The following ARHGEF28 variants were observed in gnomAD, a reference collection of about 807,000 sequenced individuals.
ARHGEF28 encodes Rho guanine nucleotide exchange factor 28.
In ARHGEF28, 152 loss-of-function variants were observed where a neutral mutation model predicts 206.6. That is an observed-to-expected ratio of 0.74 (90% CI 0.64 to 0.84). ARHGEF28 has a LOEUF of 0.84. Ranked by LOEUF, ARHGEF28 falls within the 40% of genes least tolerant of loss-of-function variation. The pLI is 0.00. For synonymous variants in ARHGEF28, 763 were observed against 776.4 expected (o/e 0.98, Z 0.29); for missense variants, 2,028 against 2,073.2 (o/e 0.98, Z 0.42).
intron 2 of ARHGEF28, among the ~76,000 whole-genome samples, chr5:73,749,355 T>C (rs1751906790): frequency 6.6e-6 from 1 of 152,166 alleles, no homozygotes; most frequent in Non-Finnish European, 1.5e-5. Context: ...AGCCATGATG[T>C]TCAGCTGGTA....
chr5:73,809,772 AG>A (rs1561419968), intron 9 of ARHGEF28, among the ~76,000 whole-genome samples: 2 of 152,180 alleles, frequency 1.3e-5, no homozygotes, highest in African/African-American at 4.8e-5. Flanking sequence ...GTTCTTTTCT[AG>A]GTGAAGAATT....
chr5:73,872,790 C>T (rs1047470827), intron 21 of ARHGEF28, among the ~76,000 whole-genome samples: 9 of 152,234 alleles, frequency 5.9e-5, no homozygotes, highest in African/African-American at 2.2e-4. Flanking sequence ...CATATATGTC[C>T]TCTTTAATAT....
rs562413696 is a variant in ARHGEF28 at position 73,917,006 on chromosome 5, A to C, written c.4948+5431A>C. On this transcript the variant is annotated intron_variant, in intron 35 of 35. Transcript: ENST00000513042. ...TTCAACACATAGAAATTAAGGCAGG[A>C]ATATTGAATCCATTTCCTATTTAGT... 3.3e-5 allele frequency among the ~76,000 whole-genome samples: 5 copies of C among 152,322 alleles called. No homozygotes were observed. The South Asian group carries it at 1.0e-3, about 32-fold the overall frequency.
At chr5:73,686,127 C>G (rs1337652601) in intron 2 of ARHGEF28, among the ~76,000 whole-genome samples, 1 of 152,098 alleles carries the variant, frequency 6.6e-6, no homozygotes, top group African/African-American at 2.4e-5. Flanking sequence ...CCAGTGATCT[C>G]TAGTACTCTC....
intron 1 of ARHGEF28, among the ~76,000 whole-genome samples, chr5:73,635,274 C>T (rs931142288): frequency 1.3e-5 from 2 of 152,056 alleles, no homozygotes; most frequent in Admixed American, 6.6e-5. Context: ...ACCCAGGGGG[C>T]GGAGGTAGCA....
chr5:73,705,071 T>G (rs1311992338), intron 2 of ARHGEF28, among the ~76,000 whole-genome samples: 1 of 152,144 alleles, frequency 6.6e-6, no homozygotes, highest in Non-Finnish European at 1.5e-5. Flanking sequence ...AGAACTGAGG[T>G]ATTTAGACAT....
chr5:73,698,106 A>G (rs1748333740), intron 2 of ARHGEF28, among the ~76,000 whole-genome samples: 1 of 152,184 alleles, frequency 6.6e-6, no homozygotes, highest in African/African-American at 2.4e-5. Context: ...CAAATCTTAA[A>G]AAGCTGGCAA....
intron 1 of ARHGEF28, among the ~76,000 whole-genome samples, chr5:73,641,392 G>A (rs1010339389): frequency 2.7e-5 from 4 of 147,066 alleles, no homozygotes; most frequent in Middle Eastern, 7.0e-3. Flanking sequence ...AAAAATAATG[G>A]CAGGGGAAAG....
intron 33 of ARHGEF28, among the ~76,000 whole-genome samples, chr5:73,906,990 A>G (rs1762592203): frequency 1.3e-5 from 2 of 152,222 alleles, no homozygotes; most frequent in South Asian, 4.1e-4. Context: ...AATTACATGA[A>G]TTTCATTTTC....
intron 1 of ARHGEF28, among the ~76,000 whole-genome samples, chr5:73,665,004 G>C (rs909634321): frequency 6.6e-6 from 1 of 151,978 alleles, no homozygotes; most frequent in African/African-American, 2.4e-5. Context: ...CAGCACCAAG[G>C]CCTGTCCATT....
At chr5:73,653,555 G>C (rs967894596) in intron 1 of ARHGEF28, among the ~76,000 whole-genome samples, 1 of 152,150 alleles carries the variant, frequency 6.6e-6, no homozygotes, top group Non-Finnish European at 1.5e-5. Context: ...TATGTCTCTC[G>C]TCTCAGCTTC....
intron 29 of ARHGEF28, among the ~76,000 whole-genome samples, chr5:73,895,970 A>G (rs1761940867): frequency 1.3e-5 from 2 of 152,208 alleles, no homozygotes. Flanking sequence ...GTTCACTGAT[A>G]GAACCCCTCA....
chr5:73,910,687 C>T (rs1481053202), intron 34 of ARHGEF28, among the ~76,000 whole-genome samples: 5 of 152,152 alleles, frequency 3.3e-5, no homozygotes, highest in Non-Finnish European at 7.3e-5. Flanking sequence ...TTCTGTTATG[C>T]TGAGCTTCTT....
chr5:73,933,857 T>A (rs1764269502), intron 35 of ARHGEF28, among the ~76,000 whole-genome samples: 1 of 152,044 alleles, frequency 6.6e-6, no homozygotes, highest in Non-Finnish European at 1.5e-5. Context: ...TAAAAAAAAA[T>A]TAACAGTTGT....
At chr5:73,819,297 C>T (rs1580662594) in intron 9 of ARHGEF28, among the ~76,000 whole-genome samples, 1 of 152,260 alleles carries the variant, frequency 6.6e-6, no homozygotes, top group Non-Finnish European at 1.5e-5. Context: ...AGGAGGTGGT[C>T]CCTCCATTAC....
At chr5:73,933,200 G>A (rs960723561) in intron 35 of ARHGEF28, among the ~76,000 whole-genome samples, 1 of 152,086 alleles carries the variant, frequency 6.6e-6, no homozygotes, top group African/African-American at 2.4e-5. Context: ...CCAAGAAAAC[G>A]TTAACTCATT....
chr5:73,840,764 A>C lies in ARHGEF28; in HGVS notation c.1427+4A>C. On this transcript the variant is annotated splice_donor_region_variant and intron_variant, in intron 11 of 35. Coordinates refer to ENST00000513042, the MANE Select transcript of ARHGEF28 (RefSeq NM_001177693.2). The stretch of plus-strand genomic sequence containing the variant: ...AAAGTCATCTAAAGAAAAGAAGGTA[A>C]GAGTCTATATTGTAGAGGAAAACTG... 1.2e-6 allele frequency: 2 copies of C among 1,604,018 alleles called. No individual in the cohort carries two copies. Among genetic ancestry groups the C allele is most frequent in the Non-Finnish European group, 1.7e-6 (2 of 1,174,640 alleles).
chr5:73,664,523 A>G (rs968618139), intron 1 of ARHGEF28, among the ~76,000 whole-genome samples: 1 of 152,208 alleles, frequency 6.6e-6, no homozygotes, highest in East Asian at 1.9e-4. Context: ...AATAGTAGGT[A>G]TAATATATGG....
intron 1 of ARHGEF28, among the ~76,000 whole-genome samples, chr5:73,681,904 A>G (rs1439358490): frequency 6.6e-6 from 1 of 152,178 alleles, no homozygotes; most frequent in Non-Finnish European, 1.5e-5. Context: ...GTTTGAGACC[A>G]GCCTAAACAA....
Sources: allele counts gnomAD v4.1 joint callset (sites outside exome capture counted in the v4.1 genomes callset), GRCh38; gene constraint gnomAD v4.1.1; transcripts MANE v1.5; gene names NCBI Gene and HGNC (gene_info 2026-07-23, HGNC 2026-07-21).